The following ASB3 variants were observed in gnomAD, a reference collection of about 807,000 sequenced individuals.
ASB3 encodes the protein ankyrin repeat and SOCS box containing 3, also known as ankyrin repeat and SOCS box protein 3.
A neutral mutation model predicts 54.5 loss-of-function variants in ASB3; 41 were observed. The observed-to-expected ratio is 0.75, with a 90% CI of 0.59 to 0.98. ASB3 has a LOEUF of 0.98. Among genes scored for constraint, ASB3 ranks in the 50% least tolerant of loss-of-function variants. ASB3 has a pLI of 0.00. For missense variants in ASB3, 733 were observed against 620.0 expected (o/e 1.18, Z -1.94); for synonymous variants, 266 against 221.2 (o/e 1.20, Z -1.80).
chr2:53,697,657 G>C (rs1177702752), intron 8 of ASB3, among the ~76,000 whole-genome samples: 4 of 152,158 alleles, frequency 2.6e-5, no homozygotes, highest in Non-Finnish European at 4.4e-5. Context: ...ACAGGCATAA[G>C]ACAAACATTC....
In ASB3 at chr2:53,776,896, A is replaced by C. The variant is rs569105406; in HGVS notation, c.-14+9925T>G. ...AAGATTTTGTAATCCTGTGGCTACTATGTTGAAGAATTTTAACTCTTCCAA... is the reference window on the plus strand; with the variant it reads ...AAGATTTTGTAATCCTGTGGCTACTCTGTTGAAGAATTTTAACTCTTCCAA... On this transcript the variant is annotated intron_variant, in intron 1 of 9. Coordinates refer to ENST00000263634, the MANE Select transcript of ASB3 (RefSeq NM_016115.5). 3.3e-5 allele frequency among the ~76,000 whole-genome samples: 5 copies of C among 152,326 alleles called. No homozygotes were observed. The South Asian group carries it at 1.0e-3, about 32-fold the overall frequency.
chr2:53,756,609 C>A (rs1031410074), intron 2 of ASB3, among the ~76,000 whole-genome samples: 1 of 152,104 alleles, frequency 6.6e-6, no homozygotes, highest in East Asian at 1.9e-4. Context: ...ATCATGTAAT[C>A]CTTCAAGGAC....
At chr2:53,671,817 TTAAA>T (rs1195079477) in intron 9 of ASB3, among the ~76,000 whole-genome samples, 1 of 117,156 alleles carries the variant, frequency 8.5e-6, no homozygotes, top group Non-Finnish European at 2.0e-5. Context: ...ATGAAAAGTG[TTAAA>T]TAAAGAAGTT....
intron 1 of ASB3, among the ~76,000 whole-genome samples, chr2:53,777,365 G>T (rs1449775612): frequency 6.6e-6 from 1 of 152,114 alleles, no homozygotes; most frequent in Non-Finnish European, 1.5e-5. Flanking sequence ...TGGTGCATCA[G>T]ACACTAGTGA....
At chr2:53,680,552 A>C (rs1668315957) in intron 9 of ASB3, among the ~76,000 whole-genome samples, 2 of 152,140 alleles carry the variant, frequency 1.3e-5, no homozygotes, top group Non-Finnish European at 2.9e-5. Flanking sequence ...TTTTTAAAAC[A>C]GAATTTATTT....
intron 1 of ASB3, among the ~76,000 whole-genome samples, chr2:53,769,289 C>G (rs976949545): frequency 6.6e-6 from 1 of 152,214 alleles, no homozygotes; most frequent in African/African-American, 2.4e-5. Flanking sequence ...GCCAGGAGGA[C>G]TGCTTGAGGC....
Position 53,774,554 on chromosome 2 carries a change from C to T in ASB3, c.-13-8969G>A, listed in dbSNP as rs555471161. ...AGTCTTCAGAGAATTAACTTCAGTGCACAATGACAATATGATTTGGAAATA... is the reference window on the plus strand; with the variant it reads ...AGTCTTCAGAGAATTAACTTCAGTGTACAATGACAATATGATTTGGAAATA... On this transcript the variant is annotated intron_variant, in intron 1 of 9. Coordinates refer to ENST00000263634, the MANE Select transcript of ASB3 (RefSeq NM_016115.5). 6.2e-6 allele frequency: 9 copies of T among 1,448,194 alleles called. No individual in the cohort carries two copies. In the South Asian group the frequency reaches 1.0e-4, roughly 17 times the overall value. 89.7% of individuals were successfully genotyped at this position (1,448,194 alleles called of 1,614,324 possible). A position where few individuals can be genotyped will look rare whatever the true frequency, so the allele number is the denominator to read the frequency against.
At chr2:53,707,560 T>C (rs559376784) in intron 7 of ASB3, among the ~76,000 whole-genome samples, 1 of 149,604 alleles carries the variant, frequency 6.7e-6, no homozygotes, top group Admixed American at 6.7e-5. Context: ...AGGTGGAGAA[T>C]GGCATGAACC....
intron 9 of ASB3, among the ~76,000 whole-genome samples, chr2:53,693,575 T>G (rs1459520538): frequency 6.6e-6 from 1 of 152,136 alleles, no homozygotes; most frequent in Non-Finnish European, 1.5e-5. Context: ...AATAAGCAGA[T>G]TTTTAGGACC....
intron 1 of ASB3, among the ~76,000 whole-genome samples, chr2:53,784,918 A>G (rs1674853870): frequency 6.6e-6 from 1 of 152,186 alleles, no homozygotes; most frequent in African/African-American, 2.4e-5. Context: ...AGCCACAATG[A>G]TCTTCACAAA....
chr2:53,715,456 T>C (rs1162264110), intron 6 of ASB3, among the ~76,000 whole-genome samples: 1 of 152,086 alleles, frequency 6.6e-6, no homozygotes, highest in Admixed American at 6.6e-5. Flanking sequence ...ACAAAAGGGG[T>C]TACCTTTGAA....
At chr2:53,716,525 T>G (rs1220510653) in intron 6 of ASB3, 41 bp downstream of exon 6, 1 of 1,589,140 alleles carries the variant, frequency 6.3e-7, no homozygotes, top group Non-Finnish European at 8.6e-7. Context: ...TATTAGCTTT[T>G]GATTAAGAGA....
chr2:53,769,837 C>T (rs1673769349), intron 1 of ASB3, among the ~76,000 whole-genome samples: 1 of 151,804 alleles, frequency 6.6e-6, no homozygotes, highest in Non-Finnish European at 1.5e-5. Flanking sequence ...AGTGAAATTC[C>T]GTCTCAAAAA....
intron 3 of ASB3, among the ~76,000 whole-genome samples, chr2:53,746,338 G>A (rs1672220796): frequency 6.6e-6 from 1 of 152,046 alleles, no homozygotes; most frequent in Admixed American, 6.5e-5. Flanking sequence ...GAGTGCTAAA[G>A]TTTGTCCTAT....
intron 5 of ASB3, among the ~76,000 whole-genome samples, chr2:53,726,435 T>G (rs1670996868): frequency 6.6e-6 from 1 of 151,368 alleles, no homozygotes; most frequent in South Asian, 2.1e-4. Flanking sequence ...TAATTTTTTG[T>G]ATTTTAATAG....
Position 53,716,761 on chromosome 2 carries a change from A to G in ASB3, c.605-18T>C. 6.2e-7 allele frequency: 1 copy of G among 1,600,558 alleles called. No homozygotes were observed. The highest frequency in any genetic ancestry group is 8.5e-7 in the Non-Finnish European group (1 of 1,171,642). Reference sequence around the variant, plus strand: ...ATTTGCACCTAAGGGTACAAAATAAAACATTTAACAGATAACCCTAATACT... The same window carrying G: ...ATTTGCACCTAAGGGTACAAAATAAGACATTTAACAGATAACCCTAATACT... On this transcript the variant is annotated intron_variant, in intron 5 of 9. Transcript: ENST00000263634.
intron 1 of ASB3, among the ~76,000 whole-genome samples, chr2:53,775,481 G>T (rs1238400640): frequency 1.3e-5 from 2 of 151,986 alleles, no homozygotes; most frequent in Admixed American, 1.3e-4. Flanking sequence ...TTATAATTTT[G>T]TTTTGTTTTT....
intron 7 of ASB3, 97 bp from the exon 8 acceptor site, chr2:53,700,625 A>C: frequency 6.9e-7 from 1 of 1,447,788 alleles, no homozygotes; most frequent in Non-Finnish European, 9.1e-7. Flanking sequence ...CTGGGGAATA[A>C]GTATGGCAGA....
chr2:53,780,356 G>T (rs1419337600), intron 1 of ASB3, among the ~76,000 whole-genome samples: 1 of 152,070 alleles, frequency 6.6e-6, no homozygotes, highest in Non-Finnish European at 1.5e-5. Context: ...ATGTTATGTG[G>T]CAAGCAATGA....
Sources: gnomAD v4.1 joint callset for allele counts (sites outside exome capture counted in the v4.1 genomes callset) on GRCh38, gnomAD v4.1.1 for gene constraint, MANE v1.5 for transcripts, NCBI Gene and HGNC (gene_info 2026-07-23, HGNC 2026-07-21) for gene names.